Variants in STPG2 observed in about 807,000 individuals in gnomAD.
The protein encoded by STPG2 is sperm tail PG-rich repeat containing 2.
Under a neutral mutation model 54.2 loss-of-function variants are expected in STPG2, and 56 were observed. The ratio of observed to expected loss-of-function variants is 1.03; its 90% CI spans 0.83 to 1.29. STPG2 has a LOEUF of 1.29. Ranked by LOEUF, STPG2 falls within the 50% of genes most tolerant of loss-of-function variation. The pLI, the probability that STPG2 is intolerant of heterozygous loss-of-function variation, is 0.00. For synonymous variants in STPG2, 200 were observed against 181.8 expected, an observed-to-expected ratio of 1.10 and a Z score of -0.81; for missense variants, 596 against 544.9, an observed-to-expected ratio of 1.09 and a Z score of -0.93.
intron 10 of STPG2, chr4:97,572,673 A>C (rs1449564827): frequency 5.9e-5 from 9 of 152,170 alleles, no homozygotes; most frequent in Admixed American, 2.6e-4. Flanking sequence ...TGTCGGAAAT[A>C]ACTTGCAATC....
chr4:97,852,821 A>G (rs1408208177), intron 8 of STPG2, among the ~76,000 whole-genome samples: 2 of 152,022 alleles, frequency 1.3e-5, no homozygotes, highest in East Asian at 3.9e-4. Flanking sequence ...GATCCCCAAT[A>G]ATATTTACCA....
chr4:98,030,838 G>A (rs1020617874), intron 5 of STPG2, among the ~76,000 whole-genome samples: 1 of 152,164 alleles, frequency 6.6e-6, no homozygotes, highest in Non-Finnish European at 1.5e-5. Context: ...GTCATATGCA[G>A]AAGACTGAAA....
At position 97,584,099 on chromosome 4, in the gene STPG2, G is replaced by A. The variant is rs1732931684; in HGVS notation, c.1321-24982C>T. ...TGCTCATTATTTTCATTAGCATATG[G>A]AACATTCCCCAAGATACACCACATG... is the stretch of plus-strand genomic sequence containing the variant. On this transcript the variant is annotated intron_variant, in intron 10 of 10. Transcript: ENST00000295268. Among the ~76,000 whole-genome samples, 3 of 151,850 alleles carry A rather than the reference G, an allele frequency of 2.0e-5. No individual in the cohort carries two copies. In the South Asian group the frequency reaches 6.2e-4, roughly 32 times the overall value.
chr4:97,901,317 C>T (rs904663017), intron 8 of STPG2, among the ~76,000 whole-genome samples: 3 of 151,656 alleles, frequency 2.0e-5, no homozygotes. Context: ...CAATCTAGTA[C>T]TAGAAGTTCT....
At chr4:97,826,840 T>A (rs356552) in intron 9 of STPG2, among the ~76,000 whole-genome samples, 24,531 of 152,238 alleles carry the variant, frequency 0.16, 2,143 homozygotes, top group East Asian at 0.36. Flanking sequence ...TTGTAATTGT[T>A]ACATAAAATC....
At chr4:97,966,920 G>C (rs1461635553) in intron 7 of STPG2, among the ~76,000 whole-genome samples, 2 of 152,150 alleles carry the variant, frequency 1.3e-5, no homozygotes, top group African/African-American at 2.4e-5. Flanking sequence ...AAATTGTAAA[G>C]ACCATCAATG....
intron 4 of STPG2, among the ~76,000 whole-genome samples, chr4:97,462,976 T>G (rs1238360875): frequency 1.3e-5 from 2 of 152,158 alleles, no homozygotes; most frequent in Non-Finnish European, 2.9e-5. Flanking sequence ...TCTGATTATA[T>G]ATTTCTTTCT....
At chr4:97,614,249 A>G (rs1733803714) in intron 10 of STPG2, among the ~76,000 whole-genome samples, 1 of 152,062 alleles carries the variant, frequency 6.6e-6, no homozygotes, top group Non-Finnish European at 1.5e-5. Context: ...ATGTCATTGC[A>G]GTATTCTCTA....
intron 5 of STPG2, among the ~76,000 whole-genome samples, chr4:98,080,778 C>A (rs1024773382): frequency 6.6e-6 from 1 of 152,180 alleles, no homozygotes; most frequent in African/African-American, 2.4e-5. Context: ...ACCAGCAGTG[C>A]TTTAAAATGG....
chr4:97,827,900 C>T (rs1474678695), intron 9 of STPG2, among the ~76,000 whole-genome samples: 1 of 151,940 alleles, frequency 6.6e-6, no homozygotes, highest in Non-Finnish European at 1.5e-5. Flanking sequence ...CTGACAGGCC[C>T]GGGAGCCCCA....
At chr4:97,702,066 T>C (rs1014210309) in intron 10 of STPG2, among the ~76,000 whole-genome samples, 1 of 152,200 alleles carries the variant, frequency 6.6e-6, no homozygotes, top group Non-Finnish European at 1.5e-5. Flanking sequence ...CCAGCTGGGA[T>C]GAGTAGGTCT....
chr4:97,785,612 G>A (rs1726799092), intron 9 of STPG2, among the ~76,000 whole-genome samples: 1 of 152,050 alleles, frequency 6.6e-6, no homozygotes, highest in Admixed American at 6.6e-5. Context: ...AAAGATAAAT[G>A]TGAAGAAGAA....
intron 5 of STPG2, among the ~76,000 whole-genome samples, chr4:97,982,466 T>C (rs1477324191): frequency 6.6e-6 from 1 of 152,040 alleles, no homozygotes; most frequent in Non-Finnish European, 1.5e-5. Context: ...CTTCAGTATG[T>C]ATTTACAAAA....
chr4:97,525,813 G>C (rs1731269194), intron 4 of STPG2, among the ~76,000 whole-genome samples: 1 of 151,876 alleles, frequency 6.6e-6, no homozygotes, highest in Non-Finnish European at 1.5e-5. Context: ...GTTTTGATTT[G>C]CATTTCTCTA....
intron 10 of STPG2, among the ~76,000 whole-genome samples, chr4:97,708,185 G>A (rs754064242): frequency 4.0e-5 from 6 of 151,778 alleles, no homozygotes; most frequent in Non-Finnish European, 8.8e-5. Context: ...CACAACTAAA[G>A]CAATGTGGGA....
chr4:97,729,984 G>A (rs1204094430), intron 9 of STPG2, among the ~76,000 whole-genome samples: 2 of 152,146 alleles, frequency 1.3e-5, no homozygotes, highest in Admixed American at 6.6e-5. Context: ...GTTCCTTGGT[G>A]AAGTCTTTAG....
intron 8 of STPG2, among the ~76,000 whole-genome samples, chr4:97,926,673 A>G (rs1732343007): frequency 6.6e-6 from 1 of 152,170 alleles, no homozygotes; most frequent in Admixed American, 6.5e-5. Flanking sequence ...CTTCTGGTTT[A>G]AAAAGATGAG....
intron 10 of STPG2, among the ~76,000 whole-genome samples, chr4:97,571,328 C>T (rs551770263): frequency 3.3e-4 from 50 of 152,202 alleles, no homozygotes; most frequent in Non-Finnish European, 5.9e-4. Context: ...CTGAATGCAG[C>T]ACCTGACAGC....
chr4:97,827,784 G>C (rs975235103), intron 9 of STPG2, among the ~76,000 whole-genome samples: 1 of 152,082 alleles, frequency 6.6e-6, no homozygotes, highest in Non-Finnish European at 1.5e-5. Flanking sequence ...AATCAAACTT[G>C]ACTTATAAAG....
Sources: gnomAD v4.1 joint callset for allele counts (sites outside exome capture counted in the v4.1 genomes callset) on GRCh38, gnomAD v4.1.1 for gene constraint, MANE v1.5 for transcripts, NCBI Gene and HGNC (gene_info 2026-07-23, HGNC 2026-07-21) for gene names.